The following GRM5 variants were observed in gnomAD, a reference collection of about 807,000 sequenced individuals.
The protein encoded by GRM5 is glutamate metabotropic receptor 5.
Under a neutral mutation model 83.1 loss-of-function variants are expected in GRM5, and 19 were observed. The observed-to-expected ratio is 0.23, with a 90% CI of 0.16 to 0.34. The LOEUF is 0.34. GRM5 is among the 10% of genes least tolerant of loss of function. The pLI is 1.00. For synonymous variants in GRM5, 675 were observed against 633.6 expected (o/e 1.07, Z -0.98); for missense variants, 1,160 against 1,588.3 (o/e 0.73, Z 4.58).
chr11:88,806,553 G>C (rs1943501560), intron 3 of GRM5, among the ~76,000 whole-genome samples: 1 of 152,106 alleles, frequency 6.6e-6, no homozygotes, highest in Non-Finnish European at 1.5e-5. Context: ...GAATATTTTA[G>C]GCAGTTGATC....
intron 3 of GRM5, among the ~76,000 whole-genome samples, chr11:88,812,657 G>T (rs960962939): frequency 1.3e-5 from 2 of 152,074 alleles, no homozygotes; most frequent in African/African-American, 4.8e-5. Context: ...GGCTGACACT[G>T]CCTCTCTGCC....
intron 2 of GRM5, among the ~76,000 whole-genome samples, chr11:88,874,689 C>A (rs1204634884): frequency 6.6e-6 from 1 of 151,836 alleles, no homozygotes; most frequent in African/African-American, 2.4e-5. Context: ...GCAAACTATG[C>A]ACCTGAAAAG....
At chr11:88,558,228 C>A (rs1000001012) in intron 8 of GRM5, among the ~76,000 whole-genome samples, 11 of 152,112 alleles carry the variant, frequency 7.2e-5, no homozygotes, top group African/African-American at 2.7e-4. Context: ...AGATTAGGCA[C>A]TCTCTCCAAA....
chr11:89,044,772 G>A (rs1284619490), intron 2 of GRM5, among the ~76,000 whole-genome samples: 1 of 151,790 alleles, frequency 6.6e-6, no homozygotes, highest in Non-Finnish European at 1.5e-5. Context: ...CCCAGTGAGA[G>A]GAAGAGACTG....
At chr11:88,969,077 T>A (rs1350940321) in intron 2 of GRM5, among the ~76,000 whole-genome samples, 1 of 152,008 alleles carries the variant, frequency 6.6e-6, no homozygotes, top group Non-Finnish European at 1.5e-5. Context: ...GCAATAGCAA[T>A]GAATACAGAA....
intron 3 of GRM5, among the ~76,000 whole-genome samples, chr11:88,706,161 A>T (rs1245029240): frequency 6.6e-6 from 1 of 152,052 alleles, no homozygotes; most frequent in Non-Finnish European, 1.5e-5. Flanking sequence ...ATAACCCATC[A>T]AAGTTCACTT....
chr11:88,508,960 C>A lies in GRM5; in HGVS notation c.3271G>T (p.Ala1091Ser), dbSNP rs372721603. 23 of 1,590,892 alleles carry A rather than the reference C, an allele frequency of 1.4e-5. No individual in the cohort carries two copies. The highest frequency in any genetic ancestry group is 1.9e-5 in the Non-Finnish European group (22 of 1,168,906). Reference sequence around the variant, plus strand: ...ATCAGGTAGGACGAGCAGAGCGGGGCGCCGACGCCGGGGCTGGGGGCCGCG... The same window carrying A: ...ATCAGGTAGGACGAGCAGAGCGGGGAGCCGACGCCGGGGCTGGGGGCCGCG... ...STAAPSPGVGAPLCSSYLIPK... is the reference protein window; with the variant it reads ...STAAPSPGVGSPLCSSYLIPK... Residue 1091 changes from alanine to serine, a missense_variant, in exon 10 of 10, where the codon GCC becomes TCC. Transcript: ENST00000305447. The surrounding 1 kb of genome is among the most constrained non-coding windows in gnomAD (Gnocchi z 4.2).
intron 3 of GRM5, among the ~76,000 whole-genome samples, chr11:88,758,804 G>A (rs1171227476): frequency 6.6e-6 from 1 of 152,126 alleles, no homozygotes; most frequent in East Asian, 1.9e-4. Context: ...AATCTCCAAG[G>A]TTAAACTGGA....
chr11:89,058,175 T>C (rs1941916148), intron 1 of GRM5, among the ~76,000 whole-genome samples: 1 of 152,182 alleles, frequency 6.6e-6, no homozygotes, highest in Non-Finnish European at 1.5e-5. Context: ...TTATGTAACG[T>C]ACATAAATTC....
intron 3 of GRM5, among the ~76,000 whole-genome samples, chr11:88,833,074 C>T (rs780399460): frequency 1.3e-5 from 2 of 151,852 alleles, no homozygotes; most frequent in Non-Finnish European, 2.9e-5. Flanking sequence ...ATAGCTAAGA[C>T]CTAAAAAACA....
At chr11:88,836,345 CTCAGTTAA>C (rs1944095380) in intron 3 of GRM5, among the ~76,000 whole-genome samples, 1 of 152,154 alleles carries the variant, frequency 6.6e-6, no homozygotes, top group African/African-American at 2.4e-5. Context: ...GCTGATGGGC[CTCAGTTAA>C]TCAGTCACTG....
chr11:89,061,702 T>C (rs2135173814), intron 1 of GRM5, among the ~76,000 whole-genome samples: 1 of 152,342 alleles, frequency 6.6e-6, no homozygotes, highest in East Asian at 1.9e-4. Flanking sequence ...TATAAAGTGA[T>C]AGTAAAGGCC....
At chr11:88,703,708 C>G (rs989363876) in intron 3 of GRM5, among the ~76,000 whole-genome samples, 14 of 152,044 alleles carry the variant, frequency 9.2e-5, no homozygotes, top group Admixed American at 1.3e-4. Context: ...TTCTCACATC[C>G]TGGCTTTTTG....
At chr11:88,845,080 C>CTAACGCGG (rs1565258394) in intron 3 of GRM5, among the ~76,000 whole-genome samples, 1 of 152,172 alleles carries the variant, frequency 6.6e-6, no homozygotes, top group Admixed American at 6.5e-5. Context: ...AAGAGCAGTT[C>CTAACGCGG]TAACGCGGGT....
At chr11:88,932,831 G>A (rs1937758618) in intron 2 of GRM5, among the ~76,000 whole-genome samples, 1 of 151,876 alleles carries the variant, frequency 6.6e-6, no homozygotes, top group South Asian at 2.1e-4. Flanking sequence ...GTTCCCTGTT[G>A]ATTCATTAAA....
intron 1 of GRM5, among the ~76,000 whole-genome samples, chr11:89,055,451 A>C (rs1218006196): frequency 6.6e-6 from 1 of 152,176 alleles, no homozygotes; most frequent in East Asian, 1.9e-4. Context: ...ACTTTCTTAT[A>C]GTATTCATTA....
At chr11:88,849,408 A>G (rs1464737952) in intron 3 of GRM5, among the ~76,000 whole-genome samples, 1 of 152,128 alleles carries the variant, frequency 6.6e-6, no homozygotes, top group African/African-American at 2.4e-5. Flanking sequence ...CTTGTCTAGA[A>G]ACAATGTAGG....
At chr11:88,535,389 G>T (rs1320136203) in intron 8 of GRM5, among the ~76,000 whole-genome samples, 5 of 152,164 alleles carry the variant, frequency 3.3e-5, no homozygotes, top group Admixed American at 2.0e-4. Context: ...GTGGACAGTG[G>T]TCTGGATGTG....
At chr11:88,714,345 C>A (rs972347969) in intron 3 of GRM5, among the ~76,000 whole-genome samples, 1 of 151,848 alleles carries the variant, frequency 6.6e-6, no homozygotes, top group Non-Finnish European at 1.5e-5. Flanking sequence ...TGATGTCAGG[C>A]ATGCATAAAG....
Sources: allele counts gnomAD v4.1 joint callset (sites outside exome capture counted in the v4.1 genomes callset), GRCh38; gene constraint gnomAD v4.1.1; non-coding constraint Gnocchi (gnomAD v3.1); transcripts MANE v1.5; gene names NCBI Gene and HGNC (gene_info 2026-07-23, HGNC 2026-07-21).